Variants in NDST3 observed in about 807,000 individuals in gnomAD.
The protein encoded by NDST3 is bifunctional heparan sulfate N-deacetylase/N-sulfotransferase 3.
NDST3 carries 58 observed loss-of-function variants against 96.1 expected under a neutral mutation model. The observed-to-expected ratio is 0.60, with a 90% CI of 0.49 to 0.75. The LOEUF is 0.75. NDST3 is among the 30% of genes least tolerant of loss of function. The pLI is 0.00. For synonymous variants in NDST3, 333 were observed against 359.7 expected (o/e 0.93, Z 0.84); for missense variants, 788 against 1,034.2 (o/e 0.76, Z 3.27).
intron 4 of NDST3, among the ~76,000 whole-genome samples, chr4:118,122,045 T>G (rs1462442274): frequency 6.6e-6 from 1 of 152,222 alleles, no homozygotes; most frequent in Non-Finnish European, 1.5e-5. Flanking sequence ...ACAGAAATAC[T>G]AGATTTCATC....
chr4:118,227,103 C>A, intron 8 of NDST3, 121 bp downstream of exon 8: 1 of 684,470 alleles, frequency 1.5e-6, no homozygotes, highest in East Asian at 2.6e-5. Flanking sequence ...ACATGTTTTT[C>A]TCTGACATAA....
In NDST3 at chr4:118,077,896, C is replaced by T. The variant is rs536976828; in HGVS notation, c.981+23005C>T. On this transcript the variant is annotated intron_variant, in intron 2 of 13. Transcript: ENST00000296499. ...GTAAGCTCTAGCAGGCATGGCCCAC[C>T]TGGCTACCAGTGGCAGGAGTGAGTG... is the stretch of plus-strand genomic sequence containing the variant. Among the ~76,000 whole-genome samples the T allele has an allele frequency of 3.3e-5, 5 of 152,288 alleles. No individual in the cohort carries two copies. In the East Asian group the frequency reaches 9.7e-4, roughly 30 times the overall value.
chr4:118,085,423 T>G, intron 2 of NDST3, among the ~76,000 whole-genome samples: 1 of 152,200 alleles, frequency 6.6e-6, no homozygotes, highest in Admixed American at 6.5e-5. Flanking sequence ...AAAAAAGTAC[T>G]AATAGAAATT....
intron 6 of NDST3, 119 bp from the exon 7 acceptor site, chr4:118,224,372 C>T (rs537536447): frequency 4.0e-6 from 3 of 754,152 alleles, no homozygotes; most frequent in African/African-American, 3.6e-5. Context: ...CAAAAACACG[C>T]CATCAACTGA....
At chr4:118,072,221 T>C (rs1444204350) in intron 2 of NDST3, among the ~76,000 whole-genome samples, 1 of 152,142 alleles carries the variant, frequency 6.6e-6, no homozygotes, top group East Asian at 1.9e-4. Flanking sequence ...GGCACTTTTT[T>C]TTGTTTCATA....
chr4:118,189,172 C>T (rs967639323), intron 6 of NDST3, among the ~76,000 whole-genome samples: 4 of 152,166 alleles, frequency 2.6e-5, no homozygotes, highest in African/African-American at 9.7e-5. Flanking sequence ...ACCCCAGCTT[C>T]CCAAGTAGCT....
intron 12 of NDST3, among the ~76,000 whole-genome samples, chr4:118,248,188 TA>T: frequency 6.6e-6 from 1 of 151,930 alleles, no homozygotes; most frequent in African/African-American, 2.4e-5. Context: ...CCATCTCTAC[TA>T]AAAATACAAA....
At chr4:118,048,054 G>C (rs1485428593) in intron 1 of NDST3, among the ~76,000 whole-genome samples, 2 of 152,298 alleles carry the variant, frequency 1.3e-5, no homozygotes, top group Middle Eastern at 3.4e-3. Flanking sequence ...ATTACAACCA[G>C]AAGAGATTGA....
At chr4:118,143,361 C>G (rs181598484) in intron 5 of NDST3, among the ~76,000 whole-genome samples, 195 bp from the exon 6 acceptor site, 2 of 152,094 alleles carry the variant, frequency 1.3e-5, no homozygotes, top group East Asian at 3.9e-4. Flanking sequence ...TAAAATATTT[C>G]TTCAACTTTC....
At chr4:118,189,320 G>T (rs1416382734) in intron 6 of NDST3, among the ~76,000 whole-genome samples, 1 of 152,070 alleles carries the variant, frequency 6.6e-6, no homozygotes, top group African/African-American at 2.4e-5. Context: ...CAAAGTGCTG[G>T]GATTACAGGC....
At chr4:118,033,448 CG>C (rs1723983088), upstream of NDST3, among the ~76,000 whole-genome samples, 1 of 152,098 alleles carries the variant, frequency 6.6e-6, no homozygotes, top group African/African-American at 2.4e-5. Context: ...GCGGAACCCC[CG>C]GGGTCTCCTT....
intron 5 of NDST3, among the ~76,000 whole-genome samples, chr4:118,139,717 C>T (rs953870372): frequency 2.0e-5 from 3 of 152,172 alleles, no homozygotes; most frequent in Admixed American, 2.0e-4. Flanking sequence ...CCCTTCGAAC[C>T]GGCTATTGAT....
intron 6 of NDST3, among the ~76,000 whole-genome samples, chr4:118,222,190 T>C (rs1739593578): frequency 1.3e-5 from 2 of 151,916 alleles, no homozygotes; most frequent in South Asian, 4.1e-4. Context: ...ATTATAAATG[T>C]CATAGGTCAG....
intron 6 of NDST3, among the ~76,000 whole-genome samples, chr4:118,212,073 A>G (rs1738837805): frequency 6.6e-6 from 1 of 152,216 alleles, no homozygotes; most frequent in South Asian, 2.1e-4. Flanking sequence ...GGGTTGGAAT[A>G]GCAGCGGGCA....
At chr4:118,164,258 C>T (rs28789108) in intron 6 of NDST3, among the ~76,000 whole-genome samples, 369 of 152,244 alleles carry the variant, frequency 2.4e-3, no homozygotes, top group African/African-American at 8.5e-3. Flanking sequence ...CCAAATACCA[C>T]ATGTTCTCAC....
intron 6 of NDST3, among the ~76,000 whole-genome samples, chr4:118,222,982 T>C (rs1171663038): frequency 1.3e-5 from 2 of 152,032 alleles, no homozygotes; most frequent in African/African-American, 4.8e-5. Context: ...ATGACACATA[T>C]AGACTTACTG....
chr4:118,089,937 G>A (rs1209383250), intron 2 of NDST3, among the ~76,000 whole-genome samples: 2 of 151,926 alleles, frequency 1.3e-5, no homozygotes, highest in Non-Finnish European at 2.9e-5. Context: ...CCATCATGGA[G>A]ATAAATGTCA....
chr4:118,124,961 A>G (rs1329669879), intron 4 of NDST3, among the ~76,000 whole-genome samples: 13 of 152,108 alleles, frequency 8.5e-5, no homozygotes, highest in Non-Finnish European at 1.2e-4. Flanking sequence ...ATCACTACCC[A>G]GAGAGACTCA....
At chr4:118,078,846 T>C (rs940889562) in intron 2 of NDST3, among the ~76,000 whole-genome samples, 7 of 152,110 alleles carry the variant, frequency 4.6e-5, no homozygotes, top group African/African-American at 1.7e-4. Context: ...TCAGTTTCCA[T>C]ATCTTTAAAA....
Sources: allele counts gnomAD v4.1 joint callset (sites outside exome capture counted in the v4.1 genomes callset), GRCh38; gene constraint gnomAD v4.1.1; transcripts MANE v1.5; gene names NCBI Gene and HGNC (gene_info 2026-07-23, HGNC 2026-07-21).